Variants in PAX8 observed in about 807,000 individuals in gnomAD.
PAX8 encodes paired box protein Pax-8.
In PAX8, 15 loss-of-function variants were observed where a neutral mutation model predicts 52.4. That is an observed-to-expected ratio of 0.29 (90% CI 0.19 to 0.44). PAX8 has a LOEUF of 0.44. Among genes scored for constraint, PAX8 ranks in the 20% least tolerant of loss-of-function variants. The pLI, the probability that PAX8 is intolerant of heterozygous loss-of-function variation, is 1.00. For missense variants in PAX8, 554 were observed against 602.5 expected, an observed-to-expected ratio of 0.92 and a Z score of 0.84; for synonymous variants, 284 against 249.7, an observed-to-expected ratio of 1.14 and a Z score of -1.29.
intron 9 of PAX8, among the ~76,000 whole-genome samples, chr2:113,234,197 T>C (rs962695061): frequency 6.6e-6 from 1 of 152,240 alleles, no homozygotes; most frequent in Non-Finnish European, 1.5e-5. Context: ...GTGGAAGCCC[T>C]TGAGGTATCT....
intron 4 of PAX8, among the ~76,000 whole-genome samples, chr2:113,243,885 A>G (rs933119146): frequency 1.3e-4 from 20 of 152,130 alleles, no homozygotes; most frequent in African/African-American, 4.6e-4. Context: ...GCATTTTTAC[A>G]ATATTTTTTG....
rs532948803 is a variant in PAX8 at position 113,269,990 on chromosome 2, C to G, written c.25+8380G>C. On this transcript the variant is annotated intron_variant, in intron 2 of 11. Transcript: ENST00000429538. ...TGACTGGGTTTTCTGGTAAGGTGAA[C>G]TAAGGCATCCTTTTCCATTTCAGGC... 14 of 152,310 alleles carry G rather than the reference C, an allele frequency of 9.2e-5. 1 individual carries two copies. In the Middle Eastern group the frequency reaches 0.02, roughly 222 times the overall value. 9.4% of individuals were successfully genotyped at this position (152,310 alleles called of 1,614,324 possible). A position where few individuals can be genotyped will look rare whatever the true frequency, so the allele number is the denominator to read the frequency against.
At chr2:113,251,828 TC>T (rs1235071723) in intron 2 of PAX8, among the ~76,000 whole-genome samples, 2 of 152,318 alleles carry the variant, frequency 1.3e-5, no homozygotes, top group East Asian at 3.9e-4. Flanking sequence ...GTTCCTATAG[TC>T]CTTTGCACAA....
At chr2:113,260,868 A>T (rs565518276) in intron 2 of PAX8, among the ~76,000 whole-genome samples, 4 of 141,448 alleles carry the variant, frequency 2.8e-5, no homozygotes, top group Non-Finnish European at 6.2e-5. Context: ...AGAGAGAGAG[A>T]GTGACTGTTT....
rs1689044452 is a variant in PAX8 at position 113,216,887 on chromosome 2, C to T, written c.*1646G>A. The T allele has an allele frequency of 4.4e-6, 1 of 227,666 alleles. No individual in the cohort carries two copies. The highest frequency in any genetic ancestry group is 8.7e-6 in the Non-Finnish European group (1 of 114,502). 14.1% of individuals were successfully genotyped at this position (227,666 alleles called of 1,614,324 possible). On this transcript the variant is annotated 3_prime_UTR_variant, in exon 12 of 12. Transcript: ENST00000429538. ...CTCATTTTTTTCAAAGCCTCAGTTT[C>T]CTCATATGTAAAATGAAGCTGTATG...
Position 113,244,382 on chromosome 2 carries a change from G to A in PAX8, c.389+45C>T, listed in dbSNP as rs754796259. The A allele has an allele frequency of 1.4e-5, 21 of 1,478,220 alleles. 1 individual carries two copies. In the South Asian group the frequency reaches 2.1e-4, roughly 15 times the overall value. The allele number at this position is 1,478,220 out of a possible 1,614,324, so 91.6% of individuals were successfully genotyped here. ...TTGTCTCTTTCCTGATTTCCCCAAA[G>A]CCCAGGGGCCCCAGCCTGACACCAG... On this transcript the variant is annotated intron_variant, in intron 4 of 11. Transcript: ENST00000429538.
At chr2:113,233,083 C>T (rs1689999079) in intron 9 of PAX8, among the ~76,000 whole-genome samples, 1 of 141,586 alleles carries the variant, frequency 7.1e-6, no homozygotes, top group Non-Finnish European at 1.5e-5. Context: ...ACTATCCTCT[C>T]ATTCCCCTCC....
At chr2:113,234,831 T>G (rs1232024830) in intron 9 of PAX8, among the ~76,000 whole-genome samples, 1 of 152,226 alleles carries the variant, frequency 6.6e-6, no homozygotes, top group Non-Finnish European at 1.5e-5. Context: ...GCTTCCAGCT[T>G]TAAATATTTT....
Position 113,217,895 on chromosome 2 carries a change from C to T in PAX8, c.*638G>A, listed in dbSNP as rs1000376714. 1.7e-5 allele frequency: 4 copies of T among 233,220 alleles called. No individual in the cohort carries two copies. The highest frequency in any genetic ancestry group is 8.8e-5 in the African/African-American group (4 of 45,348). The allele number at this position is 233,220 out of a possible 1,614,324, so 14.4% of individuals were successfully genotyped here. ...GCAGCAGGCAAAAGAGGTCAGCTGA[C>T]AGCCTGGTGGAATTTCTGAGGGACT... On this transcript the variant is annotated 3_prime_UTR_variant, in exon 12 of 12. Coordinates refer to ENST00000429538, the MANE Select transcript of PAX8 (RefSeq NM_003466.4).
chr2:113,256,677 C>G (rs1692289902), intron 2 of PAX8, among the ~76,000 whole-genome samples: 2 of 151,376 alleles, frequency 1.3e-5, no homozygotes, highest in Admixed American at 6.6e-5. Context: ...TAGAATAACA[C>G]CCAAACTGAG....
rs907314755 is a variant in PAX8, at chr2:113,218,252, G to T, written c.*281C>A. 7 of 364,306 alleles carry T rather than the reference G, an allele frequency of 1.9e-5. No individual in the cohort carries two copies. Among genetic ancestry groups the T allele is most frequent in the Non-Finnish European group, 3.4e-5 (7 of 203,580 alleles). 22.6% of individuals were successfully genotyped at this position (364,306 alleles called of 1,614,324 possible). A position where few individuals can be genotyped will look rare whatever the true frequency, so the allele number is the denominator to read the frequency against. ...CTCCTTTGGTGGGTACCGGCTGGGG[G>T]CTACATTTCTTCTTCAATTTTGTCT... On this transcript the variant is annotated 3_prime_UTR_variant, in exon 12 of 12. Coordinates refer to ENST00000429538, the MANE Select transcript of PAX8 (RefSeq NM_003466.4).
chr2:113,248,830 G>A (rs577478362), intron 2 of PAX8, among the ~76,000 whole-genome samples: 65 of 152,246 alleles, frequency 4.3e-4, no homozygotes, highest in African/African-American at 1.5e-3. Context: ...GCTGGGCATG[G>A]TGGCACATGC....
intron 2 of PAX8, among the ~76,000 whole-genome samples, chr2:113,260,347 G>T (rs1692575616): frequency 6.6e-6 from 1 of 152,180 alleles, no homozygotes; most frequent in African/African-American, 2.4e-5. Context: ...GTGGGTGTGG[G>T]GGTGTGTGCT....
intron 2 of PAX8, chr2:113,275,350 A>G (rs1455075586): frequency 6.6e-6 from 1 of 152,266 alleles, no homozygotes. Context: ...ATGAACCCCA[A>G]TACCTCTTTA....
At chr2:113,221,594 G>A (rs1023809073) in intron 10 of PAX8, among the ~76,000 whole-genome samples, 7 of 152,174 alleles carry the variant, frequency 4.6e-5, no homozygotes, top group Admixed American at 1.3e-4. Context: ...TGTATTAAAT[G>A]CTTAGCACCA....
intron 10 of PAX8, chr2:113,226,922 G>A (rs1558688377): frequency 7.0e-7 from 1 of 1,430,016 alleles, no homozygotes; most frequent in Non-Finnish European, 9.2e-7. Context: ...GGAGGGTAAT[G>A]TAGCAGGCCT....
At position 113,226,564 on chromosome 2, in the gene PAX8, A is replaced by G. The variant is rs1477991959; in HGVS notation, c.1189+591T>C. The stretch of plus-strand genomic sequence containing the variant: ...GAGGATGGAGAGCTACTCCAGGCTC[A>G]TTTCATCCTCTATAGTACTCTTAGA... On this transcript the variant is annotated intron_variant, in intron 10 of 11. Coordinates refer to ENST00000429538, the MANE Select transcript of PAX8 (RefSeq NM_003466.4). 4 of 1,007,188 alleles carry G rather than the reference A, an allele frequency of 4.0e-6. No individual in the cohort carries two copies. In the South Asian group the frequency reaches 1.3e-4, roughly 32 times the overall value. The allele number at this position is 1,007,188 out of a possible 1,614,324, so 62.4% of individuals were successfully genotyped here.
At chr2:113,246,698 A>C in intron 3 of PAX8, 56 bp downstream of exon 3, 1 of 1,578,906 alleles carries the variant, frequency 6.3e-7, no homozygotes, top group Non-Finnish European at 8.7e-7. Context: ...CCCTGAGATC[A>C]GCTGGAGAAG....
At chr2:113,225,931 C>T (rs930081876) in intron 10 of PAX8, 16 of 975,846 alleles carry the variant, frequency 1.6e-5, no homozygotes, top group African/African-American at 1.4e-4. Flanking sequence ...TCTCATTTCA[C>T]GCTCCAGAAG....
Sources: allele counts gnomAD v4.1 joint callset (sites outside exome capture counted in the v4.1 genomes callset), GRCh38; gene constraint gnomAD v4.1.1; transcripts MANE v1.5; gene names NCBI Gene and HGNC (gene_info 2026-07-23, HGNC 2026-07-21).